AP1S3: variants seen among roughly 807,000 people sequenced by gnomAD.
AP1S3 encodes the protein AP-1 complex subunit sigma-3.
A neutral mutation model predicts 20.9 loss-of-function variants in AP1S3; 10 were observed. That is an observed-to-expected ratio of 0.48 (90% CI 0.29 to 0.81). The LOEUF (loss-of-function observed/expected upper bound fraction) is 0.81. AP1S3 is among the 30% of genes least tolerant of loss of function. The probability of loss-of-function intolerance (pLI) is 0.08; values close to 1 mark genes in which losing one functional copy is unlikely to be tolerated. For synonymous variants in AP1S3, 41 were observed against 61.5 expected (o/e 0.67, Z 1.56); for missense variants, 154 against 183.8 (o/e 0.84, Z 0.94).
At chr2:223,828,295 C>CTTTTTTTTTTTTTTTTTTTT (rs775000674) in intron 1 of AP1S3, among the ~76,000 whole-genome samples, 1 of 131,386 alleles carries the variant, frequency 7.6e-6, no homozygotes, top group Non-Finnish European at 1.6e-5. Flanking sequence ...TCCTCTCTCT[C>CTTTTTTTTTTTTTTTTTTTT]TTTTTTTTTT....
intron 1 of AP1S3, among the ~76,000 whole-genome samples, chr2:223,798,402 C>G (rs972759472): frequency 1.3e-5 from 2 of 152,022 alleles, no homozygotes; most frequent in African/African-American, 2.4e-5. Flanking sequence ...CTAGGAAGAA[C>G]AGGATAAGAG....
At chr2:223,824,626 C>G (rs1258023680) in intron 1 of AP1S3, among the ~76,000 whole-genome samples, 1 of 152,176 alleles carries the variant, frequency 6.6e-6, no homozygotes, top group Non-Finnish European at 1.5e-5. Context: ...TAACCTCCCC[C>G]TCCCAGGTCC....
intron 1 of AP1S3, among the ~76,000 whole-genome samples, chr2:223,829,279 G>A (rs1692205433): frequency 6.6e-6 from 1 of 152,184 alleles, no homozygotes; most frequent in South Asian, 2.1e-4. Context: ...AATAAGCCAT[G>A]ACTTACAGGC....
intron 1 of AP1S3, among the ~76,000 whole-genome samples, chr2:223,797,093 C>G (rs1238306626): frequency 6.6e-6 from 1 of 152,220 alleles, no homozygotes; most frequent in Non-Finnish European, 1.5e-5. Context: ...TCTTTTCCCA[C>G]CAGTTTCTAC....
intron 1 of AP1S3, among the ~76,000 whole-genome samples, chr2:223,798,811 C>T (rs1691404553): frequency 6.6e-6 from 1 of 152,182 alleles, no homozygotes; most frequent in African/African-American, 2.4e-5. Context: ...GTGGCTCATG[C>T]CTATAATCCT....
intron 1 of AP1S3, among the ~76,000 whole-genome samples, chr2:223,830,925 G>A (rs1384587652): frequency 1.3e-5 from 2 of 152,202 alleles, no homozygotes; most frequent in Non-Finnish European, 2.9e-5. Flanking sequence ...CATGATTGTC[G>A]ATAACATTCT....
chr2:223,834,448 G>C (rs1692349962), intron 1 of AP1S3, among the ~76,000 whole-genome samples: 3 of 151,920 alleles, frequency 2.0e-5, no homozygotes, highest in Admixed American at 6.6e-5. Context: ...AAATTACCTG[G>C]GCATGATGGC....
chr2:223,770,597 A>G (rs1690600306), intron 3 of AP1S3, among the ~76,000 whole-genome samples: 1 of 152,046 alleles, frequency 6.6e-6, no homozygotes, highest in South Asian at 2.1e-4. Context: ...CATAGGCATT[A>G]CAGAGAATGT....
chr2:223,778,719 CAG>C (rs1330514639), intron 1 of AP1S3, among the ~76,000 whole-genome samples: 3 of 146,318 alleles, frequency 2.1e-5, no homozygotes, highest in African/African-American at 5.2e-5. Context: ...TCTTTTGAGA[CAG>C]AGTCTTGCTT....
At position 223,762,268 on chromosome 2, in the gene AP1S3, A is replaced by ATTTTTTTTTTTTTTTTT. The variant is rs57119521; in HGVS notation, c.429+2928_429+2944dup. On this transcript the variant is annotated intron_variant, in intron 4 of 4. Coordinates refer to ENST00000396654, the MANE Select transcript of AP1S3 (RefSeq NM_001039569.2). ...TAGGCATGAGCCATTGTGCCCAGCA[A>ATTTTTTTTTTTTTTTTT]TTTTTTTTTTTTTTTTTTTTTTGAG... is the stretch of plus-strand genomic sequence containing the variant. Among the ~76,000 whole-genome samples the ATTTTTTTTTTTTTTTTT allele has an allele frequency of 3.8e-5, 4 of 105,198 alleles. 1 individual carries two copies. The highest frequency in any genetic ancestry group is 7.4e-5 in the Non-Finnish European group (4 of 53,942). 69.0% of individuals were successfully genotyped at this position (105,198 alleles called of 152,430 possible). A position where few individuals can be genotyped will look rare whatever the true frequency, so the allele number is the denominator to read the frequency against.
intron 1 of AP1S3, among the ~76,000 whole-genome samples, chr2:223,780,767 G>A (rs1038647787): frequency 1.3e-5 from 2 of 150,170 alleles, no homozygotes; most frequent in African/African-American, 4.9e-5. Context: ...TTTTTTTCTG[G>A]TAACTACAAA....
chr2:223,768,910 G>A (rs759205180), intron 3 of AP1S3, among the ~76,000 whole-genome samples: 1 of 151,952 alleles, frequency 6.6e-6, no homozygotes, highest in Non-Finnish European at 1.5e-5. Flanking sequence ...GAGATTAATG[G>A]CATCCCAGAT....
chr2:223,797,890 A>C (rs1437827699), intron 1 of AP1S3, among the ~76,000 whole-genome samples: 3 of 152,228 alleles, frequency 2.0e-5, no homozygotes, highest in Non-Finnish European at 4.4e-5. Flanking sequence ...GAATCAGATG[A>C]TAGCTGGAGT....
chr2:223,768,346 C>A (rs1690530950), intron 3 of AP1S3, among the ~76,000 whole-genome samples: 1 of 152,146 alleles, frequency 6.6e-6, no homozygotes, highest in Non-Finnish European at 1.5e-5. Flanking sequence ...TGGCGATTCC[C>A]CACATCCCCT....
At chr2:223,827,395 T>C (rs1015529262) in intron 1 of AP1S3, among the ~76,000 whole-genome samples, 2 of 152,202 alleles carry the variant, frequency 1.3e-5, no homozygotes. Context: ...AATTTTGTTT[T>C]GTTTTGAGAT....
chr2:223,788,807 C>T (rs559377848), intron 1 of AP1S3, among the ~76,000 whole-genome samples: 1 of 150,436 alleles, frequency 6.6e-6, no homozygotes, highest in East Asian at 2.0e-4. Flanking sequence ...GAGATATTTG[C>T]AGATGCCTGC....
intron 1 of AP1S3, among the ~76,000 whole-genome samples, chr2:223,816,940 C>T (rs1299716120): frequency 6.6e-6 from 1 of 152,084 alleles, no homozygotes; most frequent in African/African-American, 2.4e-5. Flanking sequence ...CCAGCCTAGC[C>T]ATATTGAAAC....
intron 1 of AP1S3, among the ~76,000 whole-genome samples, chr2:223,781,395 C>A (rs1457463518): frequency 6.6e-6 from 1 of 151,962 alleles, no homozygotes; most frequent in South Asian, 2.1e-4. Flanking sequence ...TTTAACACAG[C>A]ATTTTTTTTT....
intron 2 of AP1S3, among the ~76,000 whole-genome samples, chr2:223,777,224 C>T (rs868343947): frequency 6.6e-6 from 1 of 152,148 alleles, no homozygotes; most frequent in Admixed American, 6.6e-5. Context: ...GGTGAAACCC[C>T]GTCTCTCTTA....
Sources: gnomAD v4.1 joint callset for allele counts (sites outside exome capture counted in the v4.1 genomes callset) on GRCh38, gnomAD v4.1.1 for gene constraint, MANE v1.5 for transcripts, NCBI Gene and HGNC (gene_info 2026-07-23, HGNC 2026-07-21) for gene names.